Variants in DCAF17 observed in about 807,000 individuals in gnomAD.
DCAF17 encodes DDB1- and CUL4-associated factor 17.
A neutral mutation model predicts 66.0 loss-of-function variants in DCAF17; 48 were observed. The observed-to-expected ratio is 0.73, with a 90% CI of 0.58 to 0.92. The LOEUF (loss-of-function observed/expected upper bound fraction) is 0.92, where lower values mean the gene tolerates loss of function less well. Ranked by LOEUF, DCAF17 falls within the 40% of genes least tolerant of loss-of-function variation. DCAF17 has a pLI of 0.00. For synonymous variants in DCAF17, 206 were observed against 214.6 expected, an observed-to-expected ratio of 0.96 and a Z score of 0.35; for missense variants, 562 against 622.8, an observed-to-expected ratio of 0.90 and a Z score of 1.04.
At chr2:171,471,845 C>A (rs763645572) in intron 9 of DCAF17, among the ~76,000 whole-genome samples, 1 of 151,736 alleles carries the variant, frequency 6.6e-6, no homozygotes, top group Non-Finnish European at 1.5e-5. Flanking sequence ...TGAAACCCTG[C>A]CTCCACAAAA....
chr2:171,450,551 C>T (rs1355403205), intron 5 of DCAF17, among the ~76,000 whole-genome samples: 1 of 151,566 alleles, frequency 6.6e-6, no homozygotes, highest in Non-Finnish European at 1.5e-5. Flanking sequence ...CTATTGGTGA[C>T]TTATGGGGAA....
chr2:171,481,886 AG>A lies in DCAF17; in HGVS notation c.*773del, dbSNP rs1396814148. 2.9e-5 allele frequency: 13 copies of A among 453,912 alleles called. No individual in the cohort carries two copies. Among genetic ancestry groups the A allele is most frequent in the Non-Finnish European group, 4.9e-5 (11 of 226,754 alleles). 28.1% of individuals were successfully genotyped at this position (453,912 alleles called of 1,614,324 possible). A position where few individuals can be genotyped will look rare whatever the true frequency, so the allele number is the denominator to read the frequency against. On this transcript the variant is annotated 3_prime_UTR_variant, in exon 14 of 14. Coordinates refer to ENST00000375255, the MANE Select transcript of DCAF17 (RefSeq NM_025000.4). ...TCTCATCTCACCATTCTACTCATTT[AG>A]TGAGTTTTCTGATCTTGTTTAGGCA...
At chr2:171,435,769 A>G (rs909671819) in intron 2 of DCAF17, among the ~76,000 whole-genome samples, 1 of 152,162 alleles carries the variant, frequency 6.6e-6, no homozygotes, top group Non-Finnish European at 1.5e-5. Flanking sequence ...CTTTTAAAGC[A>G]TATTCTAAAC....
At chr2:171,480,275 T>C (rs1696681777) in intron 13 of DCAF17, 82 bp downstream of exon 13, 5 of 1,532,662 alleles carry the variant, frequency 3.3e-6, no homozygotes, top group East Asian at 2.3e-5. Flanking sequence ...ATTGTGTTCA[T>C]GTCAGTCCAG....
In DCAF17 at chr2:171,481,961, G is replaced by C. The variant is rs1293411865; in HGVS notation, c.*847G>C. ...GATAAAGGTACCCTTGCCTGCAGTA[G>C]TTCTGTTTCCTGTAGAAAAGTGGAT... On this transcript the variant is annotated 3_prime_UTR_variant, in exon 14 of 14. Transcript: ENST00000375255. 2.2e-6 allele frequency: 1 copy of C among 453,918 alleles called. No homozygotes were observed. The highest frequency in any genetic ancestry group is 6.9e-5 in the East Asian group (1 of 14,402). The allele number at this position is 453,918 out of a possible 1,614,324, so 28.1% of individuals were successfully genotyped here. A position where few individuals can be genotyped will look rare whatever the true frequency, so the allele number is the denominator to read the frequency against.
intron 6 of DCAF17, among the ~76,000 whole-genome samples, chr2:171,457,039 G>A (rs1695298232): frequency 6.6e-6 from 1 of 152,202 alleles, no homozygotes; most frequent in African/African-American, 2.4e-5. Context: ...GGTGAGAGTG[G>A]ACATCCTTGT....
intron 2 of DCAF17, among the ~76,000 whole-genome samples, chr2:171,441,866 A>T (rs1006906526): frequency 3.9e-5 from 6 of 152,228 alleles, no homozygotes; most frequent in African/African-American, 1.2e-4. Flanking sequence ...CAGTTTTGCC[A>T]AGGAGTTTGT....
Position 171,449,295 on chromosome 2 carries a change from A to G in DCAF17, c.458+478A>G, listed in dbSNP as rs115396774. 5.1e-3 allele frequency among the ~76,000 whole-genome samples: 778 copies of G among 152,352 alleles called. 7 individuals carry two copies. The highest frequency in any genetic ancestry group is 7.3e-3 in the Non-Finnish European group (496 of 68,030). ...AGTTCTGGGATTACAGGCGTGAGCC[A>G]TCGTGCCCAGCTGTCATTTATCTTT... On this transcript the variant is annotated intron_variant, in intron 4 of 13. Coordinates refer to ENST00000375255, the MANE Select transcript of DCAF17 (RefSeq NM_025000.4).
intron 5 of DCAF17, among the ~76,000 whole-genome samples, chr2:171,450,964 T>G (rs28453686): frequency 6.6e-6 from 1 of 152,052 alleles, no homozygotes; most frequent in Non-Finnish European, 1.5e-5. Flanking sequence ...CCTGCTCTTA[T>G]GCACTGTAGT....
intron 9 of DCAF17, 137 bp downstream of exon 9, chr2:171,469,167 G>A: frequency 1.1e-6 from 1 of 927,476 alleles, no homozygotes; most frequent in Admixed American, 2.2e-5. Context: ...TTAAAATACA[G>A]AAGAATACAG....
chr2:171,483,261 T>C lies in DCAF17; in HGVS notation c.*2147T>C, dbSNP rs1209990215. 4.4e-6 allele frequency: 2 copies of C among 454,112 alleles called. No homozygotes were observed. Among genetic ancestry groups the C allele is most frequent in the East Asian group, 6.9e-5 (1 of 14,398 alleles). The allele number at this position is 454,112 out of a possible 1,614,324, so 28.1% of individuals were successfully genotyped here. A position where few individuals can be genotyped will look rare whatever the true frequency, so the allele number is the denominator to read the frequency against. The stretch of plus-strand genomic sequence containing the variant: ...CTACCTAAACCCCCTCTTTACCTGA[T>C]ATTTTAATTCGAGACTCTAGCTACA... On this transcript the variant is annotated 3_prime_UTR_variant, in exon 14 of 14. Transcript: ENST00000375255.
chr2:171,463,224 TAA>T (rs945893879), intron 8 of DCAF17, among the ~76,000 whole-genome samples: 4 of 137,676 alleles, frequency 2.9e-5, no homozygotes, highest in Non-Finnish European at 3.2e-5. Flanking sequence ...AGCGAGATTT[TAA>T]AAAAAAAAAA....
chr2:171,439,772 A>ATT (rs1473637030), intron 2 of DCAF17, among the ~76,000 whole-genome samples: 5 of 151,968 alleles, frequency 3.3e-5, no homozygotes, highest in African/African-American at 1.2e-4. Flanking sequence ...TACTAAAAAA[A>ATT]CAAAAATTAG....
In DCAF17 at chr2:171,480,119, G is replaced by A; in HGVS notation, c.1348G>A (p.Ala450Thr). ...AVTQIDAEGK[A>T]HLDFHCNEYG... is the part of the protein sequence containing the mutation. The stretch of plus-strand genomic sequence containing the variant: ...TACTCAAATAGATGCTGAAGGAAAA[G>A]CTCACCTGGATTTCCACTGTAATGA... Residue 450 changes from alanine to threonine, a missense_variant, in exon 13 of 14, where the codon GCT becomes ACT. By Grantham distance (58) the Ala-to-Thr change is moderately conservative. Transcript: ENST00000375255. 6.2e-7 allele frequency: 1 copy of A among 1,613,828 alleles called. No individual in the cohort carries two copies.
At chr2:171,472,511 C>G (rs1214639812) in intron 9 of DCAF17, among the ~76,000 whole-genome samples, 1 of 152,140 alleles carries the variant, frequency 6.6e-6, no homozygotes, top group Non-Finnish European at 1.5e-5. Context: ...ATTTTACTGT[C>G]TCTTATTTGT....
chr2:171,479,505 A>G (rs779493587), intron 12 of DCAF17, among the ~76,000 whole-genome samples: 8 of 152,054 alleles, frequency 5.3e-5, no homozygotes, highest in Non-Finnish European at 1.0e-4. Context: ...ATAAGCAGCC[A>G]TTTTTGCTTT....
intron 2 of DCAF17, among the ~76,000 whole-genome samples, chr2:171,438,258 G>C (rs1344829927): frequency 6.6e-6 from 1 of 152,168 alleles, no homozygotes; most frequent in Non-Finnish European, 1.5e-5. Context: ...ATTTGTTAAG[G>C]TGTCTTTTAT....
At chr2:171,472,198 G>A (rs749369756) in intron 9 of DCAF17, among the ~76,000 whole-genome samples, 3 of 151,660 alleles carry the variant, frequency 2.0e-5, no homozygotes, top group Non-Finnish European at 4.4e-5. Flanking sequence ...GTTTTGTTTT[G>A]AGACAGGGTT....
At chr2:171,476,761 A>G (rs202002271) in intron 10 of DCAF17, 99 bp from the exon 11 acceptor site, 1 of 798,862 alleles carries the variant, frequency 1.3e-6, no homozygotes, top group Non-Finnish European at 2.2e-6. Context: ...CAGTGTTACT[A>G]TAATTTTTAT....
Sources: gnomAD v4.1 joint callset for allele counts (sites outside exome capture counted in the v4.1 genomes callset) on GRCh38, gnomAD v4.1.1 for gene constraint, MANE v1.5 for transcripts, NCBI Gene and HGNC (gene_info 2026-07-23, HGNC 2026-07-21) for gene names.